Variants in ZCWPW2 observed in about 807,000 individuals in gnomAD.
ZCWPW2 encodes zinc finger CW-type and PWWP domain containing 2, also known as zinc finger CW-type PWWP domain protein 2.
A neutral mutation model predicts 46.6 loss-of-function variants in ZCWPW2; 45 were observed. That is an observed-to-expected ratio of 0.96 (90% CI 0.76 to 1.24). ZCWPW2 has a LOEUF of 1.24. Among genes scored for constraint, ZCWPW2 ranks in the 50% most tolerant of loss-of-function variants. ZCWPW2 has a pLI of 0.00. For missense variants in ZCWPW2, 429 were observed against 403.9 expected, an observed-to-expected ratio of 1.06 and a Z score of -0.53; for synonymous variants, 152 against 137.1, an observed-to-expected ratio of 1.11 and a Z score of -0.76.
chr3:28,368,952 G>A (rs552162267), intron 1 of ZCWPW2, among the ~76,000 whole-genome samples: 5 of 152,020 alleles, frequency 3.3e-5, no homozygotes, highest in Admixed American at 2.6e-4. Context: ...TGATCAAATC[G>A]GCTACTGAGG....
At chr3:28,362,643 A>G (rs1331602344) in intron 1 of ZCWPW2, among the ~76,000 whole-genome samples, 8 of 152,160 alleles carry the variant, frequency 5.3e-5, no homozygotes, top group Non-Finnish European at 2.9e-5. Flanking sequence ...AATTAGTTCA[A>G]CCATTGTGGA....
intron 1 of ZCWPW2, among the ~76,000 whole-genome samples, chr3:28,375,829 T>G (rs1160011907): frequency 6.6e-6 from 1 of 151,806 alleles, no homozygotes; most frequent in African/African-American, 2.4e-5. Flanking sequence ...TCTTCTACTC[T>G]CTATGTCCAT....
chr3:28,472,166 T>G (rs901827330), intron 4 of ZCWPW2, among the ~76,000 whole-genome samples: 1 of 152,118 alleles, frequency 6.6e-6, no homozygotes, highest in Non-Finnish European at 1.5e-5. Context: ...AATCTACAGA[T>G]TCAATGCAAT....
chr3:28,386,236 A>G (rs1695268713), intron 1 of ZCWPW2, among the ~76,000 whole-genome samples: 1 of 152,106 alleles, frequency 6.6e-6, no homozygotes, highest in Non-Finnish European at 1.5e-5. Flanking sequence ...GACACCAGAA[A>G]ACTCACTTCC....
intron 3 of ZCWPW2, among the ~76,000 whole-genome samples, chr3:28,419,913 G>A (rs1441537705): frequency 2.6e-4 from 30 of 116,812 alleles, no homozygotes; most frequent in Non-Finnish European, 3.8e-4. Context: ...ATCACACACC[G>A]GGGACTGTTG....
At chr3:28,469,020 CAT>C (rs1201549234) in intron 4 of ZCWPW2, among the ~76,000 whole-genome samples, 2 of 151,938 alleles carry the variant, frequency 1.3e-5, no homozygotes, top group Non-Finnish European at 2.9e-5. Context: ...CTTTTCAAGA[CAT>C]AGAGAGTAAA....
intron 4 of ZCWPW2, among the ~76,000 whole-genome samples, chr3:28,455,753 A>G (rs1475523016): frequency 6.6e-6 from 1 of 152,122 alleles, no homozygotes; most frequent in African/African-American, 2.4e-5. Flanking sequence ...TCCTTTCCCC[A>G]GTGCTTATTT....
intron 4 of ZCWPW2, among the ~76,000 whole-genome samples, chr3:28,448,784 CAAAAA>C (rs576935771): frequency 1.5e-5 from 1 of 65,360 alleles, no homozygotes. Flanking sequence ...GACTCTGTCT[CAAAAA>C]AAAAAAAAAA....
At chr3:28,380,626 A>C (rs1695013340) in intron 1 of ZCWPW2, among the ~76,000 whole-genome samples, 1 of 152,042 alleles carries the variant, frequency 6.6e-6, no homozygotes, top group South Asian at 2.1e-4. Context: ...AGTAATGTCC[A>C]ACACAATCAA....
rs180911783 is a variant in ZCWPW2 at position 28,401,208 on chromosome 3, A to C, written c.-14+10591A>C. ...AAAAACAAACAAAAAAGACAAAAAG[A>C]AACAAAAAAAGCAAGGTATACAGGT... is the stretch of plus-strand genomic sequence containing the variant. On this transcript the variant is annotated intron_variant, in intron 2 of 9. Transcript: ENST00000383768. 3.6e-4 allele frequency among the ~76,000 whole-genome samples: 54 copies of C among 152,080 alleles called. 1 individual carries two copies. In the East Asian group the frequency reaches 8.5e-3, roughly 24 times the overall value.
intron 6 of ZCWPW2, among the ~76,000 whole-genome samples, chr3:28,497,732 C>A (rs1700031918): frequency 6.6e-6 from 1 of 152,044 alleles, no homozygotes; most frequent in African/African-American, 2.4e-5. Flanking sequence ...CAATACTATT[C>A]CTAAGTGCCT....
At position 28,521,005 on chromosome 3, in the gene ZCWPW2, G is replaced by A. The variant is rs199595967; in HGVS notation, c.798G>A (p.Thr266=). ...LSKENRVVCE[T]EVLLKELEQM... ...CTGTTTTTTTAGTTGTCTGTGAGAC[G>A]GAAGTTTTACTAAAAGAGCTGGAGC... The change falls in exon 9 of 10, where the codon ACG becomes ACA. Residue 266 remains threonine, a synonymous_variant. Transcript: ENST00000383768. The A allele has an allele frequency of 1.1e-4, 175 of 1,613,248 alleles. 2 individuals carry two copies. In the East Asian group the frequency reaches 1.6e-3, roughly 14 times the overall value.
intron 3 of ZCWPW2, among the ~76,000 whole-genome samples, chr3:28,421,612 C>G (rs1696793015): frequency 6.6e-6 from 1 of 151,914 alleles, no homozygotes; most frequent in South Asian, 2.1e-4. Flanking sequence ...GGGTTGCTGA[C>G]TTCTTCAGTA....
At position 28,413,191 on chromosome 3, in the gene ZCWPW2, G is replaced by C. The variant is rs1205337195; in HGVS notation, c.123G>C (p.Trp41Cys). Residue 41 changes from tryptophan (W) to cysteine (C), a missense_variant, in exon 3 of 10, where the codon TGG becomes TGC. By Grantham distance (215) the Trp-to-Cys change is radical. Transcript: ENST00000383768. ...VQCENENCLK[W>C]RLLSSEDSAK... ...GTGAGAATGAAAATTGTTTGAAATG[G>C]AGATTGTTATCAAGTGAGGATTCAG... 4.3e-6 allele frequency: 7 copies of C among 1,613,248 alleles called. No homozygotes were observed. The highest frequency in any genetic ancestry group is 5.1e-6 in the Non-Finnish European group (6 of 1,179,560).
intron 6 of ZCWPW2, among the ~76,000 whole-genome samples, chr3:28,498,238 CGT>C (rs56760870): frequency 0.08 from 11,629 of 145,372 alleles, 684 homozygotes; most frequent in Admixed American, 0.21. Context: ...TACATATATA[CGT>C]GTGTGTGTGT....
At chr3:28,451,290 C>T (rs762691012) in intron 4 of ZCWPW2, among the ~76,000 whole-genome samples, 15 of 152,134 alleles carry the variant, frequency 9.9e-5, no homozygotes, top group Non-Finnish European at 1.9e-4. Context: ...GACATCATCA[C>T]TATTTGACAT....
Position 28,453,970 on chromosome 3 carries a change from G to A in ZCWPW2, c.492+18701G>A, listed in dbSNP as rs369073055. Among the ~76,000 whole-genome samples, 63 of 151,244 alleles carry A rather than the reference G, an allele frequency of 4.2e-4. No individual in the cohort carries two copies. In the East Asian group the frequency reaches 7.4e-3, roughly 18 times the overall value. On this transcript the variant is annotated intron_variant, in intron 4 of 9. Coordinates refer to ENST00000383768, the MANE Select transcript of ZCWPW2 (RefSeq NM_001040432.4). The stretch of plus-strand genomic sequence containing the variant: ...CACCATTCACCTGCCTCAGCCTCCC[G>A]AGTATCTGGGACTACAGGCACCCGC...
intron 2 of ZCWPW2, among the ~76,000 whole-genome samples, chr3:28,406,154 T>A (rs1696150220): frequency 1.3e-5 from 2 of 152,104 alleles, no homozygotes; most frequent in Non-Finnish European, 2.9e-5. Context: ...AGGAGAAAAG[T>A]GATTTAAAGA....
chr3:28,518,448 A>G (rs1408313395), intron 8 of ZCWPW2, among the ~76,000 whole-genome samples: 2 of 152,130 alleles, frequency 1.3e-5, no homozygotes, highest in African/African-American at 4.8e-5. Flanking sequence ...ATTATTTTTT[A>G]ACTTCATTTA....
Sources: gnomAD v4.1 joint callset for allele counts (sites outside exome capture counted in the v4.1 genomes callset) on GRCh38, gnomAD v4.1.1 for gene constraint, MANE v1.5 for transcripts, NCBI Gene and HGNC (gene_info 2026-07-23, HGNC 2026-07-21) for gene names.